CEP112: variants seen among roughly 807,000 people sequenced by gnomAD.
CEP112 encodes the protein centrosomal protein 112.
CEP112 carries 127 observed loss-of-function variants against 153.0 expected under a neutral mutation model. The ratio of observed to expected loss-of-function variants is 0.83; its 90% CI spans 0.72 to 0.96. The LOEUF (loss-of-function observed/expected upper bound fraction) is 0.96. CEP112 is among the 40% of genes least tolerant of loss of function. CEP112 has a pLI of 0.00. For synonymous variants in CEP112, 358 were observed against 374.4 expected (o/e 0.96, Z 0.51); for missense variants, 1,089 against 1,101.2 (o/e 0.99, Z 0.16).
At chr17:65,685,149 G>A (rs528986331) in intron 24 of CEP112, among the ~76,000 whole-genome samples, 11 of 152,142 alleles carry the variant, frequency 7.2e-5, no homozygotes, top group East Asian at 1.9e-4. Flanking sequence ...TGATCTGTCC[G>A]CTTGAGGGGA....
At chr17:65,973,953 T>TA (rs2062940495) in intron 17 of CEP112, among the ~76,000 whole-genome samples, 1 of 152,202 alleles carries the variant, frequency 6.6e-6, no homozygotes, top group Non-Finnish European at 1.5e-5. Flanking sequence ...ATAAAATGTT[T>TA]AATCTCACTT....
chr17:65,727,696 T>C (rs940047877), intron 23 of CEP112, among the ~76,000 whole-genome samples: 1 of 152,132 alleles, frequency 6.6e-6, no homozygotes, highest in African/African-American at 2.4e-5. Context: ...CAACTCAATG[T>C]TGTAGATGGT....
intron 21 of CEP112, among the ~76,000 whole-genome samples, chr17:65,815,306 C>T (rs1398415137): frequency 3.3e-5 from 5 of 152,058 alleles, no homozygotes; most frequent in South Asian, 4.1e-4. Context: ...TATCTTAGCA[C>T]ATTTTTGTCA....
At chr17:65,952,044 T>C (rs954516212) in intron 18 of CEP112, among the ~76,000 whole-genome samples, 5 of 152,194 alleles carry the variant, frequency 3.3e-5, no homozygotes, top group African/African-American at 1.2e-4. Context: ...AGATTTTCTT[T>C]TGTTGTTTAC....
At chr17:66,121,427 T>A (rs987778652) in intron 6 of CEP112, among the ~76,000 whole-genome samples, 5 of 152,218 alleles carry the variant, frequency 3.3e-5, no homozygotes, top group African/African-American at 9.6e-5. Flanking sequence ...AGCCAATCAT[T>A]CTTCAAACGT....
chr17:65,970,380 T>TGCATGTAAATTACATGCACACATCAC (rs2062653015), intron 17 of CEP112, among the ~76,000 whole-genome samples: 1 of 62,664 alleles, frequency 1.6e-5, no homozygotes, highest in African/African-American at 4.3e-5. Context: ...GCACACATCA[T>TGCATGTAAATTACATGCACACATCAC]GCATATATAT....
chr17:66,003,080 A>T lies in CEP112; in HGVS notation c.1736+2610T>A, dbSNP rs111706679. ...TACTTTGAAGTTAGACCTCACAATA[A>T]TTTACTCTTTTACTTTCAGACTACA... On this transcript the variant is annotated intron_variant, in intron 17 of 26. Coordinates refer to ENST00000535342, the MANE Select transcript of CEP112 (RefSeq NM_001199165.4). Among the ~76,000 whole-genome samples, 1,300 of 152,244 alleles carry T rather than the reference A, an allele frequency of 8.5e-3. 9 individuals are homozygous for T. Among genetic ancestry groups the T allele is most frequent in the Non-Finnish European group, 0.015 (1,025 of 68,014 alleles).
intron 24 of CEP112, among the ~76,000 whole-genome samples, chr17:65,686,252 A>G (rs1046383870): frequency 2.0e-5 from 3 of 152,066 alleles, no homozygotes; most frequent in African/African-American, 7.2e-5. Flanking sequence ...CTGTAGCCTA[A>G]TAGAAGATAT....
chr17:66,132,251 T>C (rs2070219002), intron 5 of CEP112, among the ~76,000 whole-genome samples: 1 of 147,080 alleles, frequency 6.8e-6, no homozygotes, highest in Non-Finnish European at 1.5e-5. Flanking sequence ...AAATCTATGT[T>C]GAACAAATAG....
intron 4 of CEP112, among the ~76,000 whole-genome samples, chr17:66,162,197 A>G (rs2071741806): frequency 6.6e-6 from 1 of 152,246 alleles, no homozygotes; most frequent in Admixed American, 6.5e-5. Context: ...ACTTCACATA[A>G]GAGGATATCC....
At chr17:65,890,579 T>C (rs1420801) in intron 20 of CEP112, among the ~76,000 whole-genome samples, 133,780 of 152,104 alleles carry the variant, frequency 0.88, 60,231 homozygotes, top group Non-Finnish European at 0.98. Flanking sequence ...GAAGGGTAAG[T>C]ACGCTAGAGT....
At chr17:65,971,907 T>C (rs533718414) in intron 17 of CEP112, among the ~76,000 whole-genome samples, 6 of 152,216 alleles carry the variant, frequency 3.9e-5, no homozygotes, top group Non-Finnish European at 4.4e-5. Context: ...CAAAGACTTA[T>C]TGAAATGCAG....
At chr17:65,642,813 A>G (rs758575977) in intron 24 of CEP112, among the ~76,000 whole-genome samples, 2 of 152,208 alleles carry the variant, frequency 1.3e-5, no homozygotes, top group Non-Finnish European at 2.9e-5. Flanking sequence ...TGGGTTATAT[A>G]TTGACTATTT....
chr17:65,950,699 CTAGTAGTAGTAGTAG>C (rs111958511), intron 18 of CEP112, among the ~76,000 whole-genome samples: 5 of 147,184 alleles, frequency 3.4e-5, no homozygotes, highest in South Asian at 2.2e-4. Flanking sequence ...GGATACATTA[CTAGTAGTAGTAGTAG>C]TAGTAGTAGT....
intron 24 of CEP112, among the ~76,000 whole-genome samples, chr17:65,660,460 C>CTCCTTCCTTCCT (rs143750694): frequency 3.8e-4 from 30 of 78,332 alleles, no homozygotes; most frequent in South Asian, 7.1e-4. Context: ...TCTTCTCTCT[C>CTCCTTCCTTCCT]TCCTTCCTTC....
chr17:66,029,318 T>A lies in CEP112; in HGVS notation c.1374-66A>T, dbSNP rs1451246561. On this transcript the variant is annotated intron_variant, in intron 13 of 26. Transcript: ENST00000535342. ...AACCAATCTCTAAAATGAAATTTTTTAATCAGCTAAATCCAAATACATTTC... is the reference window on the plus strand; with the variant it reads ...AACCAATCTCTAAAATGAAATTTTTAAATCAGCTAAATCCAAATACATTTC... 4 of 1,280,048 alleles carry A rather than the reference T, an allele frequency of 3.1e-6. No homozygotes were observed. In the African/African-American group the frequency reaches 8.1e-5, roughly 26 times the overall value. The allele number at this position is 1,280,048 out of a possible 1,614,324, so 79.3% of individuals were successfully genotyped here.
intron 24 of CEP112, among the ~76,000 whole-genome samples, chr17:65,685,388 TGTC>T (rs1393703103): frequency 6.6e-6 from 1 of 152,232 alleles, no homozygotes; most frequent in Non-Finnish European, 1.5e-5. Flanking sequence ...AGCTTAGGAT[TGTC>T]TTTTGTAATT....
chr17:65,720,922 T>C (rs1448908454), intron 23 of CEP112, among the ~76,000 whole-genome samples: 5 of 152,028 alleles, frequency 3.3e-5, no homozygotes, highest in East Asian at 1.9e-4. Flanking sequence ...TGAGATCACA[T>C]AGTTTCTAAA....
At chr17:66,003,191 T>TA (rs1336886865) in intron 17 of CEP112, among the ~76,000 whole-genome samples, 1 of 152,192 alleles carries the variant, frequency 6.6e-6, no homozygotes, top group Non-Finnish European at 1.5e-5. Flanking sequence ...GGAAGATGGA[T>TA]AAATAATCTA....
Sources: allele counts gnomAD v4.1 joint callset (sites outside exome capture counted in the v4.1 genomes callset), GRCh38; gene constraint gnomAD v4.1.1; transcripts MANE v1.5; gene names NCBI Gene and HGNC (gene_info 2026-07-23, HGNC 2026-07-21).